Variants in CHCHD6 observed in about 807,000 individuals in gnomAD.
CHCHD6 encodes the protein MICOS complex subunit MIC25.
In CHCHD6, 28 loss-of-function variants were observed where a neutral mutation model predicts 32.3. That is an observed-to-expected ratio of 0.87 (90% CI 0.64 to 1.19). The LOEUF is 1.19. Ranked by LOEUF, CHCHD6 falls within the 50% of genes most tolerant of loss-of-function variation. The pLI, the probability that CHCHD6 is intolerant of heterozygous loss-of-function variation, is 0.00. For synonymous variants in CHCHD6, 122 were observed against 117.5 expected (o/e 1.04, Z -0.25); for missense variants, 333 against 307.0 (o/e 1.08, Z -0.63).
At chr3:126,756,874 G>A (rs1187671339) in intron 4 of CHCHD6, among the ~76,000 whole-genome samples, 2 of 152,210 alleles carry the variant, frequency 1.3e-5, no homozygotes, top group South Asian at 2.1e-4. Flanking sequence ...TGGTAAGTAT[G>A]AGTGGTTAAC....
intron 4 of CHCHD6, among the ~76,000 whole-genome samples, chr3:126,846,467 T>A (rs1559877828): frequency 1.3e-5 from 2 of 151,862 alleles, no homozygotes. Flanking sequence ...GTATGTGGCT[T>A]TGCACAATAT....
At position 126,767,272 on chromosome 3, in the gene CHCHD6, A is replaced by G. The variant is rs1028618992; in HGVS notation, c.411+34050A>G. On this transcript the variant is annotated intron_variant, in intron 4 of 7. Coordinates refer to ENST00000290913, the MANE Select transcript of CHCHD6 (RefSeq NM_032343.3). ...TGGGGATAGTGTCTGTCAGGTTGCC[A>G]AGGCCCAGCTGCCCCATCTTGTTCT... The G allele has an allele frequency of 3.1e-6, 4 of 1,303,622 alleles. No homozygotes were observed. The African/African-American group carries it at 5.8e-5, about 19-fold the overall frequency. 80.8% of individuals were successfully genotyped at this position (1,303,622 alleles called of 1,614,324 possible).
At chr3:126,919,470 C>T (rs1021469340) in intron 6 of CHCHD6, among the ~76,000 whole-genome samples, 3 of 151,844 alleles carry the variant, frequency 2.0e-5, no homozygotes, top group Admixed American at 1.3e-4. Flanking sequence ...TGCACCACCA[C>T]ATTCGGCTAA....
intron 7 of CHCHD6, 86 bp downstream of exon 7, chr3:126,957,637 C>A: frequency 6.9e-7 from 1 of 1,455,502 alleles, no homozygotes; most frequent in South Asian, 1.2e-5. Context: ...TCTCTGCCTG[C>A]CTTTTCCTGT....
intron 5 of CHCHD6, among the ~76,000 whole-genome samples, chr3:126,900,626 C>T (rs1250766099): frequency 1.3e-5 from 1 of 75,846 alleles, no homozygotes; most frequent in African/African-American, 5.2e-5. Flanking sequence ...TTTTTTGAGG[C>T]GGAGTTTCGC....
chr3:126,914,387 T>TA (rs1449178412), intron 5 of CHCHD6, among the ~76,000 whole-genome samples: 2 of 152,212 alleles, frequency 1.3e-5, no homozygotes, highest in Non-Finnish European at 2.9e-5. Context: ...TGTGTGCCAG[T>TA]AAAACCCTTA....
rs577770304 is a variant in CHCHD6 at position 126,869,648 on chromosome 3, G to C, written c.495+16918G>C. ...TTTGTCTTTTTCTAATTAATTTTTA[G>C]GACTTCTTTATATAATATGAATTAT... On this transcript the variant is annotated intron_variant, in intron 5 of 7. Transcript: ENST00000290913. Among the ~76,000 whole-genome samples, 586 of 151,880 alleles carry C rather than the reference G, an allele frequency of 3.9e-3. 2 individuals are homozygous for C. The highest frequency in any genetic ancestry group is 6.2e-3 in the Non-Finnish European group (423 of 67,938).
At chr3:126,897,713 G>A (rs1191210099) in intron 5 of CHCHD6, among the ~76,000 whole-genome samples, 1 of 152,248 alleles carries the variant, frequency 6.6e-6, no homozygotes, top group Non-Finnish European at 1.5e-5. Flanking sequence ...ATCACTTGCA[G>A]TGGCACTTTG....
chr3:126,843,563 T>C (rs1941183517), intron 4 of CHCHD6, among the ~76,000 whole-genome samples: 1 of 152,214 alleles, frequency 6.6e-6, no homozygotes, highest in Non-Finnish European at 1.5e-5. Flanking sequence ...TGATCAGATA[T>C]ATAATTTTTA....
chr3:126,790,147 C>T (rs867366517), intron 4 of CHCHD6, among the ~76,000 whole-genome samples: 125 of 152,088 alleles, frequency 8.2e-4, no homozygotes, highest in African/African-American at 2.7e-3. Context: ...TGTTGAATAT[C>T]GGCCCCCACT....
chr3:126,872,164 C>T (rs542944799), intron 5 of CHCHD6, among the ~76,000 whole-genome samples: 6 of 152,278 alleles, frequency 3.9e-5, no homozygotes, highest in African/African-American at 1.4e-4. Context: ...TGGCATCTAT[C>T]TACTAGGTAA....
chr3:126,847,099 G>A (rs960099571), intron 4 of CHCHD6, among the ~76,000 whole-genome samples: 5 of 152,098 alleles, frequency 3.3e-5, no homozygotes, highest in Non-Finnish European at 7.3e-5. Context: ...CAGTTACTAA[G>A]TAACAAATTA....
intron 2 of CHCHD6, among the ~76,000 whole-genome samples, chr3:126,728,724 A>G (rs1489552874): frequency 6.6e-6 from 1 of 152,218 alleles, no homozygotes; most frequent in Non-Finnish European, 1.5e-5. Context: ...AATACTACAC[A>G]TCAGTTTCAG....
In CHCHD6 at chr3:126,756,319, G is replaced by T. The variant is rs72978829; in HGVS notation, c.411+23097G>T. On this transcript the variant is annotated intron_variant, in intron 4 of 7. Coordinates refer to ENST00000290913, the MANE Select transcript of CHCHD6 (RefSeq NM_032343.3). ...ATAGTTTTTGTAAAAGGAGAAAGAT[G>T]AACATTATTAAAACGCTTCTCCTTT... Among the ~76,000 whole-genome samples the T allele has an allele frequency of 4.1e-3, 627 of 152,260 alleles. 4 individuals carry two copies. The highest frequency in any genetic ancestry group is 0.014 in the African/African-American group (599 of 41,528).
At chr3:126,809,544 C>G (rs1229651697) in intron 4 of CHCHD6, among the ~76,000 whole-genome samples, 1 of 152,208 alleles carries the variant, frequency 6.6e-6, no homozygotes, top group Non-Finnish European at 1.5e-5. Context: ...CTTTAGTTTT[C>G]ACTCAGAATT....
At chr3:126,837,277 G>A (rs1000289141) in intron 4 of CHCHD6, among the ~76,000 whole-genome samples, 1 of 152,082 alleles carries the variant, frequency 6.6e-6, no homozygotes, top group East Asian at 1.9e-4. Flanking sequence ...CTTTAAAGTG[G>A]GTTTAGCCTG....
intron 5 of CHCHD6, among the ~76,000 whole-genome samples, chr3:126,892,761 A>G (rs1023679973): frequency 1.2e-4 from 18 of 152,192 alleles, no homozygotes; most frequent in African/African-American, 4.3e-4. Flanking sequence ...TTTGAGGCCT[A>G]AAAGCAAACG....
intron 4 of CHCHD6, among the ~76,000 whole-genome samples, chr3:126,812,257 T>G (rs1939686885): frequency 6.9e-6 from 1 of 145,702 alleles, no homozygotes; most frequent in Non-Finnish European, 1.5e-5. Flanking sequence ...AGGTGTAGAT[T>G]TGGTTTTCCT....
At position 126,949,462 on chromosome 3, in the gene CHCHD6, G is replaced by A. The variant is rs1188308354; in HGVS notation, c.567-7954G>A. 4 of 214,210 alleles carry A rather than the reference G, an allele frequency of 1.9e-5. No homozygotes were observed. In the Admixed American group the frequency reaches 2.5e-4, roughly 13 times the overall value. 13.3% of individuals were successfully genotyped at this position (214,210 alleles called of 1,614,324 possible). On this transcript the variant is annotated intron_variant, in intron 6 of 7. Coordinates refer to ENST00000290913, the MANE Select transcript of CHCHD6 (RefSeq NM_032343.3). The stretch of plus-strand genomic sequence containing the variant: ...GCACGGACTCCTGCTGTGGACGAAA[G>A]GGAAGGCTGCCCAGAGGTCTGCCGT...
Sources: allele counts gnomAD v4.1 joint callset (sites outside exome capture counted in the v4.1 genomes callset), GRCh38; gene constraint gnomAD v4.1.1; transcripts MANE v1.5; gene names NCBI Gene and HGNC (gene_info 2026-07-23, HGNC 2026-07-21).